The following ZNF610 variants were observed in gnomAD, a reference collection of about 807,000 sequenced individuals.
ZNF610 encodes the protein zink finger protein.
ZNF610 carries 14 observed loss-of-function variants against 14.1 expected under a neutral mutation model. The ratio of observed to expected loss-of-function variants is 0.99; its 90% CI spans 0.65 to 1.55. ZNF610 has a LOEUF of 1.55. ZNF610 is among the 40% of genes most tolerant of loss of function. The pLI, the probability that ZNF610 is intolerant of heterozygous loss-of-function variation, is 0.00. For missense variants in ZNF610, 530 were observed against 558.0 expected, an observed-to-expected ratio of 0.95 and a Z score of 0.51; for synonymous variants, 185 against 187.6, an observed-to-expected ratio of 0.99 and a Z score of 0.11.
chr19:52,350,981 CAA>C (rs772715485), intron 3 of ZNF610, among the ~76,000 whole-genome samples: 11 of 152,048 alleles, frequency 7.2e-5, no homozygotes, highest in Admixed American at 3.9e-4. Flanking sequence ...GCCTTGGAAA[CAA>C]GAGCAAAACT....
At chr19:52,365,576 A>T in intron 5 of ZNF610, 122 bp from the exon 6 acceptor site, 1 of 881,472 alleles carries the variant, frequency 1.1e-6, no homozygotes, top group Non-Finnish European at 1.8e-6. Flanking sequence ...ACAATGTGAC[A>T]TGCAAAGTAT....
upstream of ZNF610, among the ~76,000 whole-genome samples, chr19:52,334,844 G>A (rs377257936): frequency 1.3e-5 from 2 of 151,534 alleles, no homozygotes; most frequent in Admixed American, 6.6e-5. Context: ...CTGGAGAGTC[G>A]CTTGAACCGG....
chr19:52,354,580 A>ATTTTTTT (rs201439857), intron 5 of ZNF610, among the ~76,000 whole-genome samples: 4 of 123,588 alleles, frequency 3.2e-5, no homozygotes, highest in Non-Finnish European at 6.8e-5. Flanking sequence ...AAGCCATACT[A>ATTTTTTT]TTTTTTTTTT....
chr19:52,358,465 AGCCACTGC>A (rs1315962756), intron 5 of ZNF610, among the ~76,000 whole-genome samples: 2 of 152,224 alleles, frequency 1.3e-5, no homozygotes, highest in East Asian at 3.8e-4. Flanking sequence ...TATAGGCGTA[AGCCACTGC>A]GCCTGGCCTC....
intron 5 of ZNF610, among the ~76,000 whole-genome samples, chr19:52,356,456 TAGTC>T (rs1985526636): frequency 1.3e-5 from 2 of 152,232 alleles, no homozygotes; most frequent in South Asian, 4.1e-4. Context: ...TTTGTATATT[TAGTC>T]AGCAGTTCCA....
intron 5 of ZNF610, among the ~76,000 whole-genome samples, chr19:52,362,973 T>G (rs1985852847): frequency 1.3e-5 from 2 of 152,006 alleles, no homozygotes; most frequent in Admixed American, 1.3e-4. Flanking sequence ...TGATTTTTAT[T>G]TATTTATTTT....
chr19:52,355,490 A>T lies in ZNF610; in HGVS notation c.319+1111A>T, dbSNP rs1179224420. On this transcript the variant is annotated intron_variant, in intron 5 of 5. Coordinates refer to ENST00000403906, the MANE Select transcript of ZNF610 (RefSeq NM_001161425.2). Reference sequence around the variant, plus strand: ...CTTCTGGTCACCAAAATGTGTGGGGATTTCTCCCCATCGGCAATTTTTCAC... The same window carrying T: ...CTTCTGGTCACCAAAATGTGTGGGGTTTTCTCCCCATCGGCAATTTTTCAC... Among the ~76,000 whole-genome samples, 3 of 152,056 alleles carry T rather than the reference A, an allele frequency of 2.0e-5. No homozygotes were observed. The East Asian group carries it at 5.8e-4, about 29-fold the overall frequency.
intron 2 of ZNF610, 23 bp from the exon 3 acceptor site, chr19:52,349,131 A>G (rs1568648623): frequency 1.3e-6 from 2 of 1,566,936 alleles, no homozygotes; most frequent in Non-Finnish European, 1.8e-6. Context: ...CCGAGCAGTA[A>G]TCAGTGTATT....
chr19:52,335,700 AG>A (rs1984343337), upstream of ZNF610, among the ~76,000 whole-genome samples: 2 of 152,198 alleles, frequency 1.3e-5, no homozygotes, highest in African/African-American at 2.4e-5. Flanking sequence ...GATGATGGAA[AG>A]GGAGAAGATT....
At chr19:52,341,190 C>G (rs1178993533) in intron 1 of ZNF610, among the ~76,000 whole-genome samples, 4 of 152,352 alleles carry the variant, frequency 2.6e-5, no homozygotes, top group East Asian at 3.9e-4. Flanking sequence ...TTTATATTCT[C>G]TCTTCAATTC....
intron 1 of ZNF610, among the ~76,000 whole-genome samples, chr19:52,340,219 G>C (rs927523168): frequency 3.9e-5 from 6 of 152,050 alleles, no homozygotes; most frequent in African/African-American, 1.4e-4. Context: ...TGGCCAACGT[G>C]GTGAAAAATA....
In ZNF610 at chr19:52,366,629, C is replaced by T. The variant is rs947381634; in HGVS notation, c.1251C>T (p.Asn417=). ...KVFGRKLYLT[N]HQRIHTGERP... is the part of the protein sequence containing the mutation. ...TTGGGCGCAAATTATACCTAACCAACCATCAGAGAATTCATACTGGAGAGA... is the reference window on the plus strand; with the variant it reads ...TTGGGCGCAAATTATACCTAACCAATCATCAGAGAATTCATACTGGAGAGA... The change falls in exon 6 of 6, where the codon AAC becomes AAT. Residue 417 remains asparagine (N), a synonymous_variant. Coordinates refer to ENST00000403906, the MANE Select transcript of ZNF610 (RefSeq NM_001161425.2). The T allele has an allele frequency of 1.9e-6, 3 of 1,613,952 alleles. No individual in the cohort carries two copies. Among genetic ancestry groups the T allele is most frequent in the Non-Finnish European group, 2.5e-6 (3 of 1,180,012 alleles).
At chr19:52,337,679 A>G (rs912750308) in intron 1 of ZNF610, among the ~76,000 whole-genome samples, 3 of 152,214 alleles carry the variant, frequency 2.0e-5, no homozygotes, top group African/African-American at 7.2e-5. Context: ...CTGAGTGCAG[A>G]TGAGCGATGA....
At chr19:52,361,371 G>T (rs535915768) in intron 5 of ZNF610, among the ~76,000 whole-genome samples, 2 of 151,824 alleles carry the variant, frequency 1.3e-5, no homozygotes, top group South Asian at 2.1e-4. Flanking sequence ...GTAGAGATGG[G>T]GTTTCACCAT....
rs750025168 is a variant in ZNF610 at position 52,365,714 on chromosome 19, G to T, written c.336G>T (p.Leu112Phe). 1 of 1,608,512 alleles carries T rather than the reference G, an allele frequency of 6.2e-7. No individual in the cohort carries two copies. Among genetic ancestry groups the T allele is most frequent in the South Asian group, 1.1e-5 (1 of 89,774 alleles). ...CTTTTCTAGGGAGGAGCTGTGTATT[G>T]GGAAGCAATGCAGAAAACAAGCCTA... Reference protein sequence around the residue: ...RSVNTGRSCVLGSNAENKPIK... With the variant: ...RSVNTGRSCVFGSNAENKPIK... The change falls in exon 6 of 6, where the codon TTG (leucine) becomes TTT (phenylalanine). Residue 112 changes from leucine (L) to phenylalanine (F), a missense_variant. Transcript: ENST00000403906.
intron 1 of ZNF610, among the ~76,000 whole-genome samples, chr19:52,340,979 C>G (rs1896347057): frequency 2.0e-5 from 3 of 152,110 alleles, no homozygotes; most frequent in Admixed American, 2.0e-4. Flanking sequence ...CTGCTCCTGG[C>G]CTAGGGAATT....
Position 52,336,391 on chromosome 19 carries a change from G to C in ZNF610, c.-373G>C, listed in dbSNP as rs1477922298. ...ACACAGACCTTGAAATCCCCGCACC[G>C]CTCCCTCCACCCCGTGTAAATTCAG... On this transcript the variant is annotated 5_prime_UTR_variant, in exon 1 of 6. Coordinates refer to ENST00000403906, the MANE Select transcript of ZNF610 (RefSeq NM_001161425.2). 1 of 202,816 alleles carries C rather than the reference G, an allele frequency of 4.9e-6. No individual in the cohort carries two copies. The allele number at this position is 202,816 out of a possible 1,614,324, so 12.6% of individuals were successfully genotyped here. A position where few individuals can be genotyped will look rare whatever the true frequency, so the allele number is the denominator to read the frequency against.
intron 2 of ZNF610, 40 bp from the exon 3 acceptor site, chr19:52,349,114 G>A (rs993616764): frequency 1.4e-6 from 2 of 1,469,734 alleles, no homozygotes; most frequent in African/African-American, 2.8e-5. Context: ...AGGGGAATGT[G>A]TTGATTCCGA....
At chr19:52,342,294 C>CA (rs1291699647) in intron 1 of ZNF610, among the ~76,000 whole-genome samples, 3 of 152,104 alleles carry the variant, frequency 2.0e-5, no homozygotes, top group Non-Finnish European at 2.9e-5. Flanking sequence ...ATCTTTAAAA[C>CA]AAAAAATATT....
Sources: gnomAD v4.1 joint callset for allele counts (sites outside exome capture counted in the v4.1 genomes callset) on GRCh38, gnomAD v4.1.1 for gene constraint, MANE v1.5 for transcripts, NCBI Gene and HGNC (gene_info 2026-07-23, HGNC 2026-07-21) for gene names.